CNTNAP2: variants seen among roughly 807,000 people sequenced by gnomAD.
CNTNAP2 encodes the protein contactin associated protein 2.
In CNTNAP2, 98 loss-of-function variants were observed where a neutral mutation model predicts 155.2. The ratio of observed to expected loss-of-function variants is 0.63; its 90% confidence interval spans 0.54 to 0.75. CNTNAP2 has a LOEUF of 0.75. Among genes scored for constraint, CNTNAP2 ranks in the 30% least tolerant of loss-of-function variants. CNTNAP2 has a pLI of 0.00. For missense variants in CNTNAP2, 1,727 were observed against 1,688.1 expected (o/e 1.02, Z -0.40); for synonymous variants, 651 against 631.2 (o/e 1.03, Z -0.47).
Position 146,563,856 on chromosome 7 carries a change from A to C in CNTNAP2, c.98-210415A>C, listed in dbSNP as rs777447544. 3.3e-5 allele frequency among the ~76,000 whole-genome samples: 5 copies of C among 152,260 alleles called. No individual in the cohort carries two copies. The South Asian group carries it at 1.0e-3, about 32-fold the overall frequency. ...CTTGTCAGGAAAGATAGTAACAGTC[A>C]ACCAATAAATGGAACATTGTCTCCC... On this transcript the variant is annotated intron_variant, in intron 1 of 23. Transcript: ENST00000361727.
chr7:147,853,232 C>G (rs1181211611), intron 13 of CNTNAP2, among the ~76,000 whole-genome samples: 1 of 152,220 alleles, frequency 6.6e-6, no homozygotes, highest in African/African-American at 2.4e-5. Flanking sequence ...GGGGAGGAGA[C>G]AAGTCTGAAT....
chr7:146,797,995 C>T (rs1235119590), intron 2 of CNTNAP2, among the ~76,000 whole-genome samples: 4 of 148,804 alleles, frequency 2.7e-5, no homozygotes, highest in African/African-American at 5.2e-5. Flanking sequence ...TATTTTTGGC[C>T]GAGTGTGGTG....
At chr7:148,359,347 C>T (rs1798577650) in intron 21 of CNTNAP2, among the ~76,000 whole-genome samples, 2 of 152,218 alleles carry the variant, frequency 1.3e-5, no homozygotes, top group African/African-American at 4.8e-5. Flanking sequence ...TAGGCAAAGC[C>T]TCCCTTCTTA....
chr7:148,022,346 G>A (rs1802295177), intron 15 of CNTNAP2, among the ~76,000 whole-genome samples: 1 of 151,924 alleles, frequency 6.6e-6, no homozygotes, highest in Non-Finnish European at 1.5e-5. Context: ...GCAGGCACCT[G>A]TAGTCCCAGC....
rs551081969 is a variant in CNTNAP2, at chr7:148,371,738, C to A, written c.3476-11911C>A. Among the ~76,000 whole-genome samples, 10 of 152,308 alleles carry A rather than the reference C, an allele frequency of 6.6e-5. 1 individual carries two copies. The East Asian group carries it at 1.5e-3, about 24-fold the overall frequency. The stretch of plus-strand genomic sequence containing the variant: ...GCGAATACCACAGAGTGCACTTACA[C>A]AAACCCAGAAGGTGCAGCCTTCTAC... On this transcript the variant is annotated intron_variant, in intron 21 of 23. Coordinates refer to ENST00000361727, the MANE Select transcript of CNTNAP2 (RefSeq NM_014141.6).
At chr7:148,412,628 CA>C (rs1799869335) in intron 23 of CNTNAP2, among the ~76,000 whole-genome samples, 2 of 152,300 alleles carry the variant, frequency 1.3e-5, no homozygotes, top group Non-Finnish European at 1.5e-5. Flanking sequence ...TCTACCTAGA[CA>C]AGCATTTTAT....
intron 3 of CNTNAP2, among the ~76,000 whole-genome samples, chr7:147,008,887 T>C (rs1225299823): frequency 1.3e-5 from 2 of 151,838 alleles, no homozygotes; most frequent in South Asian, 2.1e-4. Context: ...GAGAGAGACA[T>C]AGCCTTCACA....
At chr7:147,575,107 A>ATATGTATGTGTGTGTGTG (rs1554406899) in intron 12 of CNTNAP2, among the ~76,000 whole-genome samples, 6 of 94,146 alleles carry the variant, frequency 6.4e-5, no homozygotes, top group Non-Finnish European at 9.1e-5. Context: ...TTTGTGGGAA[A>ATATGTATGTGTGTGTGTG]TGTGTGTGTG....
chr7:148,045,579 T>A (rs183353621), intron 15 of CNTNAP2, among the ~76,000 whole-genome samples: 10 of 152,334 alleles, frequency 6.6e-5, no homozygotes, highest in Admixed American at 1.3e-4. Context: ...GCATCTGCTA[T>A]GAGAAAGTCC....
intron 20 of CNTNAP2, among the ~76,000 whole-genome samples, chr7:148,266,429 G>A (rs1463637710): frequency 6.6e-6 from 1 of 152,166 alleles, no homozygotes; most frequent in East Asian, 1.9e-4. Context: ...AACAGGATCA[G>A]AAACGTGCGT....
chr7:147,828,819 AATAATAATACCTTAAAAATGAAATGATAC>A (rs1798502019), intron 13 of CNTNAP2, among the ~76,000 whole-genome samples: 1 of 152,238 alleles, frequency 6.6e-6, no homozygotes. Context: ...TTAATATAAA[AATAATAATACCTTAAAAATGAAATGATAC>A]ATCTTTGGAA....
intron 10 of CNTNAP2, among the ~76,000 whole-genome samples, chr7:147,459,364 G>T (rs948689140): frequency 3.9e-5 from 6 of 152,106 alleles, no homozygotes; most frequent in African/African-American, 1.4e-4. Flanking sequence ...TGCTAGAAAA[G>T]TAGCCCTTTA....
intron 8 of CNTNAP2, among the ~76,000 whole-genome samples, chr7:147,268,824 G>A (rs528124848): frequency 2.6e-5 from 4 of 152,218 alleles, no homozygotes; most frequent in South Asian, 2.1e-4. Context: ...CAGAAGAATC[G>A]AAAATGAAAG....
At chr7:146,707,509 C>G (rs1024218052) in intron 1 of CNTNAP2, among the ~76,000 whole-genome samples, 1 of 151,982 alleles carries the variant, frequency 6.6e-6, no homozygotes, top group Non-Finnish European at 1.5e-5. Flanking sequence ...TTGTGGTTCT[C>G]TCTTAGAAAC....
rs1307584532 is a variant in CNTNAP2 at position 147,902,372 on chromosome 7, C to A, written c.2099-1193C>A. ...GAAAACTCGTCTAAGCTTAAAAGAGCCTTTTGAAGTATAGAATTAAAAGCT... is the reference window on the plus strand; with the variant it reads ...GAAAACTCGTCTAAGCTTAAAAGAGACTTTTGAAGTATAGAATTAAAAGCT... On this transcript the variant is annotated intron_variant, in intron 13 of 23. Transcript: ENST00000361727. 1.3e-5 allele frequency among the ~76,000 whole-genome samples: 2 copies of A among 151,396 alleles called. 1 individual carries two copies. The highest frequency in any genetic ancestry group is 4.2e-4 in the South Asian group (2 of 4,780).
chr7:147,542,726 G>T (rs1036981342), intron 11 of CNTNAP2, among the ~76,000 whole-genome samples: 1 of 152,176 alleles, frequency 6.6e-6, no homozygotes, highest in African/African-American at 2.4e-5. Flanking sequence ...GGAAAGTTGA[G>T]ATCCATAAAT....
In CNTNAP2 at chr7:147,264,485, G is replaced by A. The variant is rs139351257; in HGVS notation, c.1349-35656G>A. On this transcript the variant is annotated intron_variant, in intron 8 of 23. Transcript: ENST00000361727. ...GGAAGTGAGGGGTTGTGAATAGTCT[G>A]AAATGGAGTATCTGAGCTGCAGGAG... Among the ~76,000 whole-genome samples, 14 of 151,854 alleles carry A rather than the reference G, an allele frequency of 9.2e-5. No homozygotes were observed. In the East Asian group the frequency reaches 1.8e-3, roughly 20 times the overall value.
At position 148,194,136 on chromosome 7, in the gene CNTNAP2, A is replaced by AGTGTGTGT. The variant is rs5888309; in HGVS notation, c.3010+21679_3010+21686dup. 2.3e-3 allele frequency among the ~76,000 whole-genome samples: 322 copies of AGTGTGTGT among 141,880 alleles called. 1 individual carries two copies. The East Asian group carries it at 0.026, about 11-fold the overall frequency. 93.1% of individuals were successfully genotyped at this position (141,880 alleles called of 152,430 possible). A position where few individuals can be genotyped will look rare whatever the true frequency, so the allele number is the denominator to read the frequency against. Reference sequence around the variant, plus strand: ...CAGGTGCATGCCACCATGCCTGGCTAGTGTGTGTGTGTGTGTGTGTGTGTG... The same window carrying AGTGTGTGT: ...CAGGTGCATGCCACCATGCCTGGCTAGTGTGTGTGTGTGTGTGTGTGTGTGTGTGTGTG... On this transcript the variant is annotated intron_variant, in intron 18 of 23. Coordinates refer to ENST00000361727, the MANE Select transcript of CNTNAP2 (RefSeq NM_014141.6).
intron 13 of CNTNAP2, among the ~76,000 whole-genome samples, chr7:147,664,101 C>A (rs1465168392): frequency 6.6e-6 from 1 of 152,306 alleles, no homozygotes; most frequent in East Asian, 1.9e-4. Context: ...TGGCTTCCAT[C>A]ACTAAGTACC....
Sources: allele counts gnomAD v4.1 joint callset (sites outside exome capture counted in the v4.1 genomes callset), GRCh38; gene constraint gnomAD v4.1.1; transcripts MANE v1.5; gene names NCBI Gene and HGNC (gene_info 2026-07-23, HGNC 2026-07-21).